The following CYRIB variants were observed in gnomAD, a reference collection of about 807,000 sequenced individuals.
CYRIB encodes the protein CYFIP-related Rac1 interactor B.
In CYRIB, 8 loss-of-function variants were observed where a neutral mutation model predicts 44.2. The ratio of observed to expected loss-of-function variants is 0.18; its 90% CI spans 0.11 to 0.33. CYRIB has a LOEUF of 0.33. Among genes scored for constraint, CYRIB ranks in the 10% least tolerant of loss-of-function variants. CYRIB has a pLI of 1.00. For missense variants in CYRIB, 185 were observed against 382.8 expected (o/e 0.48, Z 4.31); for synonymous variants, 131 against 127.2 (o/e 1.03, Z -0.20).
At chr8:129,977,505 A>G (rs1209699072) in intron 1 of CYRIB, among the ~76,000 whole-genome samples, 3 of 151,822 alleles carry the variant, frequency 2.0e-5, no homozygotes, top group Admixed American at 6.6e-5. Flanking sequence ...ATCCTATACT[A>G]TTTGGTATTA....
At chr8:129,997,037 TGAAGGAAG>T (rs1195038257) in intron 1 of CYRIB, among the ~76,000 whole-genome samples, 1 of 119,800 alleles carries the variant, frequency 8.3e-6, no homozygotes, top group South Asian at 2.7e-4. Context: ...TATGCCTTTG[TGAAGGAAG>T]GAAGGAAGGA....
rs191654483 is a variant in CYRIB at position 129,952,588 on chromosome 8, C to A, written c.-243+18355G>T. 4.6e-4 allele frequency among the ~76,000 whole-genome samples: 70 copies of A among 152,008 alleles called. No individual in the cohort carries two copies. In the South Asian group the frequency reaches 1.0e-2, roughly 22 times the overall value. On this transcript the variant is annotated intron_variant, in intron 2 of 14. Transcript: ENST00000401979. ...TTCATTTTTCTTTAACGTTTTGAAC[C>A]ATTTTGTTTGTCCAAAAAGATGGCA...
chr8:130,006,614 A>ATGTATATATATATATATATATG (rs1564798254), intron 1 of CYRIB, among the ~76,000 whole-genome samples: 1 of 16,602 alleles, frequency 6.0e-5, no homozygotes, highest in Non-Finnish European at 3.0e-4. Context: ...ATACATATAT[A>ATGTATATATATATATATATATG]TGTGTATATA....
exon 12 of CYRIB, chr8:129,839,962 G>C (rs1563857297): frequency 6.6e-6 from 1 of 152,188 alleles, no homozygotes; most frequent in Non-Finnish European, 1.5e-5. Flanking sequence ...CCTTCCTTGG[G>C]ACACTGAAGG....
At chr8:129,856,504 A>G (rs980883702) in intron 5 of CYRIB, among the ~76,000 whole-genome samples, 2 of 152,222 alleles carry the variant, frequency 1.3e-5, no homozygotes, top group Non-Finnish European at 2.9e-5. Context: ...TCAGTTACAG[A>G]TCACAGAACT....
chr8:129,936,394 G>T (rs948501615), intron 1 of CYRIB, among the ~76,000 whole-genome samples: 5 of 152,138 alleles, frequency 3.3e-5, no homozygotes, highest in Non-Finnish European at 7.3e-5. Context: ...TAACCTAATG[G>T]TTATAAGGAA....
At chr8:130,016,172 CG>C (rs949417966) in intron 1 of CYRIB, among the ~76,000 whole-genome samples, 197 bp downstream of exon 1, 36 of 147,034 alleles carry the variant, frequency 2.4e-4, no homozygotes, top group African/African-American at 8.8e-4. Flanking sequence ...CCCGCCGGCC[CG>C]GACGCCCCCA....
chr8:129,894,713 C>T (rs546515475), intron 2 of CYRIB: 1 of 152,158 alleles, frequency 6.6e-6, no homozygotes, highest in South Asian at 2.1e-4. Context: ...AGCAGCTTGT[C>T]TCTGGTAAAA....
At chr8:130,006,055 C>T (rs1340882925) in intron 1 of CYRIB, among the ~76,000 whole-genome samples, 1 of 152,164 alleles carries the variant, frequency 6.6e-6, no homozygotes, top group Non-Finnish European at 1.5e-5. Context: ...GTAATCCCAG[C>T]ACTTTGGGAG....
At chr8:129,871,467 T>C in exon 4 of CYRIB, 3 of 1,610,468 alleles carry the variant, frequency 1.9e-6, no homozygotes, top group Non-Finnish European at 1.7e-6. Flanking sequence ...TGATTATAAA[T>C]TTCCTTCTCA....
chr8:130,013,353 G>T (rs1209560507), intron 1 of CYRIB, among the ~76,000 whole-genome samples: 1 of 152,196 alleles, frequency 6.6e-6, no homozygotes, highest in Non-Finnish European at 1.5e-5. Context: ...ACCAAGGCAT[G>T]AATTTGGATC....
chr8:129,982,068 G>A (rs1398932296), intron 1 of CYRIB, among the ~76,000 whole-genome samples: 1 of 152,180 alleles, frequency 6.6e-6, no homozygotes, highest in African/African-American at 2.4e-5. Context: ...GTCCCCATTG[G>A]CCAGGGAATT....
chr8:129,847,949 G>A (rs561654029), intron 10 of CYRIB, among the ~76,000 whole-genome samples: 2 of 152,174 alleles, frequency 1.3e-5, no homozygotes, highest in South Asian at 2.1e-4. Context: ...CTACAGATGT[G>A]TGCCACCACA....
chr8:129,866,839 G>C (rs771900227), intron 4 of CYRIB, among the ~76,000 whole-genome samples: 8 of 152,112 alleles, frequency 5.3e-5, no homozygotes, highest in Non-Finnish European at 1.0e-4. Flanking sequence ...ACATTTTATG[G>C]TTCTTCCTTA....
rs527384176 is a variant in CYRIB at position 129,871,240 on chromosome 8, A to C, written c.195+135T>G. The C allele has an allele frequency of 3.8e-6, 4 of 1,040,444 alleles. No homozygotes were observed. The Admixed American group carries it at 1.3e-4, about 33-fold the overall frequency. The allele number at this position is 1,040,444 out of a possible 1,614,324, so 64.5% of individuals were successfully genotyped here. A position where few individuals can be genotyped will look rare whatever the true frequency, so the allele number is the denominator to read the frequency against. ...TCATTTCACTGCAATCACTTCTGAA[A>C]CAATGCCAAGTGAGCATCCTTCAAA... On this transcript the variant is annotated intron_variant, in intron 4 of 11. Transcript: ENST00000519824.
intron 1 of CYRIB, among the ~76,000 whole-genome samples, chr8:129,933,883 C>T (rs1483851927): frequency 7.1e-6 from 1 of 140,640 alleles, no homozygotes; most frequent in Admixed American, 7.1e-5. Flanking sequence ...CTCTGTCACA[C>T]ACACAAAAAA....
chr8:129,998,305 G>A (rs1251408341), intron 1 of CYRIB, among the ~76,000 whole-genome samples: 4 of 152,072 alleles, frequency 2.6e-5, no homozygotes, highest in Non-Finnish European at 5.9e-5. Flanking sequence ...TGGGTACAGA[G>A]GAGGACCCTG....
At chr8:129,954,458 G>A (rs1316512350) in intron 2 of CYRIB, among the ~76,000 whole-genome samples, 2 of 152,004 alleles carry the variant, frequency 1.3e-5, no homozygotes, top group Non-Finnish European at 2.9e-5. Context: ...CCTGATCTCA[G>A]GTGATCCACC....
chr8:129,926,603 T>C (rs1437858616), intron 1 of CYRIB, among the ~76,000 whole-genome samples: 1 of 132,854 alleles, frequency 7.5e-6, no homozygotes, highest in East Asian at 2.3e-4. Flanking sequence ...AATAATGGGA[T>C]GTGATCTACA....
Sources: gnomAD v4.1 joint callset for allele counts (sites outside exome capture counted in the v4.1 genomes callset) on GRCh38, gnomAD v4.1.1 for gene constraint, MANE v1.5 for transcripts, NCBI Gene and HGNC (gene_info 2026-07-23, HGNC 2026-07-21) for gene names.